The following SAMD5 variants were observed in gnomAD, a reference collection of about 807,000 sequenced individuals.
The protein encoded by SAMD5 is sterile alpha motif domain-containing protein 5.
Under a neutral mutation model 11.3 loss-of-function variants are expected in SAMD5, and 13 were observed. That is an observed-to-expected ratio of 1.15 (90% CI 0.75 to 1.83). SAMD5 has a LOEUF of 1.83. Among genes scored for constraint, SAMD5 ranks in the 40% most tolerant of loss-of-function variants. The probability of loss-of-function intolerance (pLI) is 0.00; values close to 1 mark genes in which losing one functional copy is unlikely to be tolerated. For missense variants in SAMD5, 255 were observed against 239.1 expected (o/e 1.07, Z -0.44); for synonymous variants, 129 against 111.3 (o/e 1.16, Z -1.00).
the SAMD5 span, among the ~76,000 whole-genome samples, chr6:147,796,633 A>G: frequency 1.3e-5 from 2 of 152,204 alleles, no homozygotes; most frequent in African/African-American, 4.8e-5. Context: ...TGGGGATGGC[A>G]TTGAATCTAT....
the SAMD5 span, among the ~76,000 whole-genome samples, chr6:147,897,983 G>A: frequency 7.0e-6 from 1 of 142,512 alleles, no homozygotes; most frequent in East Asian, 2.1e-4. Context: ...AAAGTAGCCA[G>A]GTGAGGAGAA....
At chr6:147,580,932 TG>T (rs1789288971) in intron 1 of SAMD5, among the ~76,000 whole-genome samples, 1 of 152,120 alleles carries the variant, frequency 6.6e-6, no homozygotes, top group Admixed American at 6.6e-5. Flanking sequence ...GACGCTATGT[TG>T]GGGGTAAAGC....
chr6:147,662,695 T>C (rs950697429), intron 1 of SAMD5, among the ~76,000 whole-genome samples: 1 of 152,140 alleles, frequency 6.6e-6, no homozygotes, highest in African/African-American at 2.4e-5. Flanking sequence ...TTGGGGTAAA[T>C]ATCACTAACA....
the SAMD5 span, among the ~76,000 whole-genome samples, chr6:147,824,033 G>A: frequency 6.6e-6 from 1 of 152,202 alleles, no homozygotes; most frequent in Non-Finnish European, 1.5e-5. Flanking sequence ...AGGCCTCTCA[G>A]CAAAGCAGAG....
chr6:147,871,395 A>T, the SAMD5 span, among the ~76,000 whole-genome samples: 3 of 152,324 alleles, frequency 2.0e-5, no homozygotes, highest in Admixed American at 2.0e-4. Flanking sequence ...TCTAGCTTTG[A>T]TGTTATTAGG....
In SAMD5 at chr6:147,624,191, A is replaced by G. The variant is rs73585268; in HGVS notation, c.163-113126A>G. 7.5e-3 allele frequency among the ~76,000 whole-genome samples: 1,138 copies of G among 152,300 alleles called. 17 individuals are homozygous for G. Among genetic ancestry groups the G allele is most frequent in the African/African-American group, 0.026 (1,086 of 41,560 alleles). On this transcript the variant is annotated intron_variant, in intron 1 of 1. Coordinates refer to the SAMD5 transcript ENST00000566741. Reference sequence around the variant, plus strand: ...CCAAAATTTTTAAATTCTGAAATCAATGGAGAGTAAATAATCTAGAAACCC... The same window carrying G: ...CCAAAATTTTTAAATTCTGAAATCAGTGGAGAGTAAATAATCTAGAAACCC...
At chr6:147,660,047 C>T (rs749898045) in intron 1 of SAMD5, among the ~76,000 whole-genome samples, 1 of 152,140 alleles carries the variant, frequency 6.6e-6, no homozygotes, top group African/African-American at 2.4e-5. Flanking sequence ...GGTGCTTAGC[C>T]TTGCCATTAA....
chr6:147,863,429 C>T, the SAMD5 span, among the ~76,000 whole-genome samples: 910 of 152,232 alleles, frequency 6.0e-3, 11 homozygotes, highest in African/African-American at 0.021. Context: ...GAAATCATAA[C>T]AAGTTTCAAA....
At chr6:147,812,617 C>T in the SAMD5 span, among the ~76,000 whole-genome samples, 1 of 152,068 alleles carries the variant, frequency 6.6e-6, no homozygotes, top group Non-Finnish European at 1.5e-5. Context: ...CAAATAAAGC[C>T]TGTCTGCAGG....
chr6:147,947,850 G>T, the SAMD5 span, among the ~76,000 whole-genome samples: 2 of 151,632 alleles, frequency 1.3e-5, no homozygotes, highest in Non-Finnish European at 2.9e-5. Flanking sequence ...TTTTTTAAAT[G>T]CCCTCCATTC....
chr6:147,620,150 G>C (rs955980856), intron 1 of SAMD5, among the ~76,000 whole-genome samples: 1 of 152,148 alleles, frequency 6.6e-6, no homozygotes, highest in Non-Finnish European at 1.5e-5. Context: ...GAAGCCCCGT[G>C]CGTTCCATCC....
chr6:147,753,334 C>T, the SAMD5 span, among the ~76,000 whole-genome samples: 1 of 152,250 alleles, frequency 6.6e-6, no homozygotes, highest in South Asian at 2.1e-4. Flanking sequence ...CACACAGACG[C>T]CCCTACTCAT....
At chr6:147,945,910 C>T in the SAMD5 span, among the ~76,000 whole-genome samples, 3 of 152,130 alleles carry the variant, frequency 2.0e-5, no homozygotes, top group Non-Finnish European at 4.4e-5. Context: ...GCATTTTGGT[C>T]TCTTCATGGC....
rs144277581 is a variant in SAMD5 at position 147,660,419 on chromosome 6, C to T, written c.163-76898C>T. ...CCCTGCAGCCACCCTGCTTCCCTAC[C>T]ATGCTGAGCCAGTGTTGGGCAAAAC... On this transcript the variant is annotated intron_variant, in intron 1 of 1. Transcript: ENST00000566741. Among the ~76,000 whole-genome samples, 700 of 152,252 alleles carry T rather than the reference C, an allele frequency of 4.6e-3. 1 individual carries two copies. Among genetic ancestry groups the T allele is most frequent in the Middle Eastern group, 0.02 (6 of 294 alleles).
intron 1 of SAMD5, among the ~76,000 whole-genome samples, chr6:147,553,403 G>C (rs1485228563): frequency 6.6e-6 from 1 of 152,166 alleles, no homozygotes; most frequent in Non-Finnish European, 1.5e-5. Context: ...GGCTGGTTTG[G>C]TTTGAGGTAG....
the SAMD5 span, among the ~76,000 whole-genome samples, chr6:147,759,104 C>T: frequency 1.8e-4 from 27 of 152,010 alleles, no homozygotes; most frequent in Non-Finnish European, 3.2e-4. Context: ...TCATATTAGC[C>T]GTATGTTGTG....
chr6:147,558,739 C>G (rs1189902814), intron 1 of SAMD5, among the ~76,000 whole-genome samples: 1 of 152,092 alleles, frequency 6.6e-6, no homozygotes, highest in African/African-American at 2.4e-5. Flanking sequence ...GCCCACTGAC[C>G]CATCTGTCTT....
chr6:147,821,105 G>A, the SAMD5 span, among the ~76,000 whole-genome samples: 3 of 152,124 alleles, frequency 2.0e-5, no homozygotes, highest in Admixed American at 6.5e-5. Context: ...ATTAAAGAAC[G>A]AATGAATAAC....
chr6:147,881,162 G>T, the SAMD5 span, among the ~76,000 whole-genome samples: 2 of 152,174 alleles, frequency 1.3e-5, no homozygotes, highest in Non-Finnish European at 2.9e-5. Flanking sequence ...CCCTTGGCTA[G>T]TTATTTTCAG....
Sources: allele counts gnomAD v4.1 joint callset (sites outside exome capture counted in the v4.1 genomes callset), GRCh38; gene constraint gnomAD v4.1.1; transcripts MANE v1.5; gene names NCBI Gene and HGNC (gene_info 2026-07-23, HGNC 2026-07-21).